Variants in SLC22A3 observed in about 807,000 individuals in gnomAD.
SLC22A3 encodes the protein solute carrier family 22 member 3.
Under a neutral mutation model 59.1 loss-of-function variants are expected in SLC22A3, and 51 were observed. The ratio of observed to expected loss-of-function variants is 0.86; its 90% CI spans 0.69 to 1.09. The LOEUF is 1.09. Ranked by LOEUF, SLC22A3 falls within the 50% of genes least tolerant of loss-of-function variation. The pLI, the probability that SLC22A3 is intolerant of heterozygous loss-of-function variation, is 0.00. For synonymous variants in SLC22A3, 325 were observed against 292.0 expected (o/e 1.11, Z -1.15); for missense variants, 711 against 726.3 (o/e 0.98, Z 0.24).
chr6:160,426,413 C>A, intron 5 of SLC22A3: 1 of 925,978 alleles, frequency 1.1e-6, no homozygotes, highest in Non-Finnish European at 1.3e-6. Flanking sequence ...CTGTGCAACA[C>A]TCGTCTCATG....
intron 2 of SLC22A3, among the ~76,000 whole-genome samples, chr6:160,401,470 A>G (rs1434880210): frequency 6.6e-6 from 1 of 152,048 alleles, no homozygotes; most frequent in Non-Finnish European, 1.5e-5. Flanking sequence ...TTAAAAGTGA[A>G]GGAGAAATAA....
chr6:160,383,632 G>A (rs917358348), intron 1 of SLC22A3, among the ~76,000 whole-genome samples: 56 of 151,640 alleles, frequency 3.7e-4, no homozygotes, highest in African/African-American at 1.1e-3. Flanking sequence ...TGGATAAAAC[G>A]CAAATGTGAA....
rs191624790 is a variant in SLC22A3, at chr6:160,451,148, C to T, written c.*92C>T. ...GCAGAGATGCACGTGTGCATTTCAGCTACATCATGCCGCGCTGTTGTAATA... is the reference window on the plus strand; with the variant it reads ...GCAGAGATGCACGTGTGCATTTCAGTTACATCATGCCGCGCTGTTGTAATA... On this transcript the variant is annotated 3_prime_UTR_variant, in exon 11 of 11. Transcript: ENST00000275300. The T allele has an allele frequency of 2.6e-6, 3 of 1,138,542 alleles. No homozygotes were observed. Among genetic ancestry groups the T allele is most frequent in the Non-Finnish European group, 3.9e-6 (3 of 769,252 alleles). 70.5% of individuals were successfully genotyped at this position (1,138,542 alleles called of 1,614,324 possible). A position where few individuals can be genotyped will look rare whatever the true frequency, so the allele number is the denominator to read the frequency against.
At chr6:160,393,280 T>A (rs542723148) in intron 1 of SLC22A3, among the ~76,000 whole-genome samples, 79 of 151,428 alleles carry the variant, frequency 5.2e-4, no homozygotes, top group Middle Eastern at 3.4e-3. Flanking sequence ...TATTTATTTA[T>A]TTTATTTATT....
intron 1 of SLC22A3, among the ~76,000 whole-genome samples, chr6:160,360,203 A>G (rs927903280): frequency 2.0e-5 from 3 of 152,214 alleles, no homozygotes; most frequent in Admixed American, 2.0e-4. Flanking sequence ...CATGCCTGTA[A>G]TCACAGCACT....
At chr6:160,395,486 C>T (rs760500837) in intron 1 of SLC22A3, among the ~76,000 whole-genome samples, 4 of 152,186 alleles carry the variant, frequency 2.6e-5, no homozygotes, top group African/African-American at 4.8e-5. Flanking sequence ...GTTGCATTTC[C>T]GCTGGTAGTT....
intron 1 of SLC22A3, among the ~76,000 whole-genome samples, chr6:160,356,609 C>T (rs779564115): frequency 1.3e-5 from 2 of 152,170 alleles, no homozygotes; most frequent in Non-Finnish European, 2.9e-5. Context: ...CAGCGCTGTC[C>T]CCTTCATGGC....
chr6:160,360,096 C>T (rs1325740783), intron 1 of SLC22A3, among the ~76,000 whole-genome samples: 2 of 152,134 alleles, frequency 1.3e-5, no homozygotes. Flanking sequence ...CCTTACTAAA[C>T]TTTCATAGAC....
At chr6:160,445,365 G>A (rs1174278971) in intron 9 of SLC22A3, among the ~76,000 whole-genome samples, 1 of 152,210 alleles carries the variant, frequency 6.6e-6, no homozygotes, top group African/African-American at 2.4e-5. Flanking sequence ...GAGAGGTGGT[G>A]CCAGGGCAGG....
rs745551605 is a variant in SLC22A3 at position 160,410,837 on chromosome 6, T to G, written c.966T>G (p.Asn322Lys). ...GCAATGGGAAATACCTCTCATCAAATTACTCAGAGGTAATTTCTTTCAGTA... is the reference window on the plus strand; with the variant it reads ...GCAATGGGAAATACCTCTCATCAAAGTACTCAGAGGTAATTTCTTTCAGTA... ...AKCNGKYLSS[N>K]YSEITVTDEE... The change falls in exon 5 of 11, where the codon AAT (asparagine) becomes AAG (lysine). Residue 322 changes from asparagine (N) to lysine (K), a missense_variant. By Grantham distance (94) the Asn-to-Lys change is moderately conservative. Transcript: ENST00000275300. The G allele has an allele frequency of 1.1e-5, 17 of 1,594,396 alleles. No homozygotes were observed. The highest frequency in any genetic ancestry group is 1.5e-5 in the Non-Finnish European group (17 of 1,162,676).
chr6:160,408,736 T>C lies in SLC22A3; in HGVS notation c.689-17T>C. ...GACCTTGTGCTTCTGTGACCTCTTG[T>C]GTTTGTTTTCCTTTAGTGACAGAAA... On this transcript the variant is annotated splice_polypyrimidine_tract_variant and intron_variant, in intron 3 of 10. Transcript: ENST00000275300. 6.2e-7 allele frequency: 1 copy of C among 1,613,194 alleles called. No individual in the cohort carries two copies. The highest frequency in any genetic ancestry group is 1.3e-5 in the African/African-American group (1 of 75,018).
intron 1 of SLC22A3, among the ~76,000 whole-genome samples, chr6:160,391,211 C>T (rs1211927882): frequency 4.7e-5 from 7 of 147,884 alleles, no homozygotes; most frequent in Non-Finnish European, 1.1e-4. Flanking sequence ...GAAGCCAGTC[C>T]TATAAAATAC....
chr6:160,376,429 T>C (rs1785596450), intron 1 of SLC22A3, among the ~76,000 whole-genome samples: 2 of 152,182 alleles, frequency 1.3e-5, no homozygotes, highest in Admixed American at 6.5e-5. Context: ...TCTTAAAATA[T>C]AGATCATGGG....
At chr6:160,406,889 A>G in intron 2 of SLC22A3, 152 bp from the exon 3 acceptor site, 1 of 897,318 alleles carries the variant, frequency 1.1e-6, no homozygotes, top group Non-Finnish European at 1.6e-6. Flanking sequence ...TAGGCAACAT[A>G]GGGACACCCT....
chr6:160,361,803 C>G (rs1164047863), intron 1 of SLC22A3, among the ~76,000 whole-genome samples: 6 of 152,150 alleles, frequency 3.9e-5, no homozygotes, highest in Admixed American at 6.5e-5. Context: ...TAAAAGATAG[C>G]AAGTCTTGCA....
chr6:160,377,589 G>C (rs1399782990), intron 1 of SLC22A3, among the ~76,000 whole-genome samples: 1 of 152,132 alleles, frequency 6.6e-6, no homozygotes, highest in East Asian at 1.9e-4. Context: ...CTTCCTTGAA[G>C]CTCTTTGCCC....
chr6:160,402,761 A>G (rs1786836397), intron 2 of SLC22A3, among the ~76,000 whole-genome samples: 1 of 151,834 alleles, frequency 6.6e-6, no homozygotes, highest in African/African-American at 2.4e-5. Context: ...GAAAATCCCC[A>G]AATACTTGGG....
chr6:160,401,319 G>A (rs1036940448), intron 2 of SLC22A3, among the ~76,000 whole-genome samples: 1 of 151,864 alleles, frequency 6.6e-6, no homozygotes, highest in Non-Finnish European at 1.5e-5. Flanking sequence ...GGGGGATAAT[G>A]TCTTACTATA....
intron 1 of SLC22A3, among the ~76,000 whole-genome samples, chr6:160,375,899 G>T (rs1785571643): frequency 6.6e-6 from 1 of 152,094 alleles, no homozygotes; most frequent in African/African-American, 2.4e-5. Flanking sequence ...AACTAGCTTG[G>T]AACCTCTGAC....
Sources: allele counts gnomAD v4.1 joint callset (sites outside exome capture counted in the v4.1 genomes callset), GRCh38; gene constraint gnomAD v4.1.1; transcripts MANE v1.5; gene names NCBI Gene and HGNC (gene_info 2026-07-23, HGNC 2026-07-21).